Variants in ZFR observed in about 807,000 individuals in gnomAD.
The protein encoded by ZFR is zinc finger RNA binding protein, also known as zinc finger RNA-binding protein.
In ZFR, 19 loss-of-function variants were observed where a neutral mutation model predicts 130.7. That is an observed-to-expected ratio of 0.15 (90% CI 0.10 to 0.21). ZFR has a LOEUF of 0.21. ZFR is among the 10% of genes least tolerant of loss of function. ZFR has a pLI of 1.00. For missense variants in ZFR, 872 were observed against 1,321.5 expected, an observed-to-expected ratio of 0.66 and a Z score of 5.27; for synonymous variants, 466 against 456.9, an observed-to-expected ratio of 1.02 and a Z score of -0.25.
At chr5:32,413,764 C>T (rs1325170632) in intron 5 of ZFR, among the ~76,000 whole-genome samples, 1 of 152,162 alleles carries the variant, frequency 6.6e-6, no homozygotes. Flanking sequence ...CAGTAAAGTC[C>T]TATCTATCTT....
At chr5:32,401,512 T>C (rs1753448113) in intron 8 of ZFR, among the ~76,000 whole-genome samples, 1 of 151,968 alleles carries the variant, frequency 6.6e-6, no homozygotes, top group South Asian at 2.1e-4. Flanking sequence ...AGCATGTACA[T>C]AAAAGCACAG....
intron 17 of ZFR, among the ~76,000 whole-genome samples, chr5:32,378,599 C>A (rs1306131151): frequency 6.6e-6 from 1 of 151,976 alleles, no homozygotes; most frequent in East Asian, 1.9e-4. Flanking sequence ...TAATTTTTTT[C>A]TCCTAGAAGA....
intron 5 of ZFR, among the ~76,000 whole-genome samples, chr5:32,409,950 G>A (rs998755527): frequency 6.6e-6 from 1 of 152,038 alleles, no homozygotes; most frequent in Admixed American, 6.6e-5. Context: ...TCCAGCCTGG[G>A]TGACAGAATG....
At chr5:32,377,542 A>C (rs1358280031) in intron 17 of ZFR, among the ~76,000 whole-genome samples, 4 of 152,090 alleles carry the variant, frequency 2.6e-5, no homozygotes, top group Non-Finnish European at 5.9e-5. Flanking sequence ...GAAAAACTGG[A>C]GAACACAATT....
intron 19 of ZFR, among the ~76,000 whole-genome samples, chr5:32,357,409 G>A (rs1032029819): frequency 3.3e-5 from 5 of 152,052 alleles, no homozygotes; most frequent in Admixed American, 3.3e-4. Flanking sequence ...GGGATCACAG[G>A]TGCATACCAC....
chr5:32,390,228 G>T, intron 12 of ZFR, 47 bp downstream of exon 12: 1 of 1,583,634 alleles, frequency 6.3e-7, no homozygotes, highest in Non-Finnish European at 8.6e-7. Context: ...TTCTAATGCT[G>T]AACCAGTCAA....
chr5:32,383,801 G>A (rs1752982479), intron 15 of ZFR: 2 of 456,558 alleles, frequency 4.4e-6, no homozygotes, highest in Non-Finnish European at 8.8e-6. Flanking sequence ...TCATAATGAA[G>A]CTAAAGACAT....
intron 10 of ZFR, 149 bp from the exon 11 acceptor site, chr5:32,395,453 AATC>A: frequency 3.6e-6 from 2 of 558,026 alleles, no homozygotes; most frequent in Non-Finnish European, 5.5e-6. Flanking sequence ...AATTAAGGTA[AATC>A]AGAGAAAAGA....
chr5:32,426,328 G>C (rs73075516), intron 2 of ZFR, among the ~76,000 whole-genome samples: 1 of 150,108 alleles, frequency 6.7e-6, no homozygotes, highest in Non-Finnish European at 1.5e-5. Flanking sequence ...TAAAATGGAA[G>C]ACAAAACCCA....
chr5:32,419,914 G>A lies in ZFR; in HGVS notation c.327C>T (p.Tyr109=). ...AAATAAAYGG[Y]PTAHTATDYG... is the part of the protein sequence containing the mutation. ...AGTCAGTTGCTGTGTGTGCAGTGGG[G>A]TAGCCTCCATAAGCAGCAGCTGTTG... The change falls in exon 3 of 20, where the codon TAC becomes TAT. Residue 109 remains tyrosine (Y), a synonymous_variant. Transcript: ENST00000265069. 1 of 1,613,962 alleles carries A rather than the reference G, an allele frequency of 6.2e-7. No homozygotes were observed. Among genetic ancestry groups the A allele is most frequent in the African/African-American group, 1.3e-5 (1 of 75,004 alleles).
intron 2 of ZFR, among the ~76,000 whole-genome samples, chr5:32,432,045 G>A (rs1561924553): frequency 6.6e-6 from 1 of 150,890 alleles, no homozygotes; most frequent in Non-Finnish European, 1.5e-5. Context: ...AGGCTGGAGT[G>A]CAGTGGTATA....
At position 32,354,430 on chromosome 5, in the gene ZFR, C is replaced by T. The variant is rs1489997464; in HGVS notation, c.*1330G>A. ...ATGTTGTCAATTCTAACATATAATACATTTAAGTCATTATATGAATTTCAT... is the reference window on the plus strand; with the variant it reads ...ATGTTGTCAATTCTAACATATAATATATTTAAGTCATTATATGAATTTCAT... On this transcript the variant is annotated 3_prime_UTR_variant, in exon 20 of 20. Transcript: ENST00000265069. The T allele has an allele frequency of 6.6e-6, 1 of 152,548 alleles. No individual in the cohort carries two copies. Among genetic ancestry groups the T allele is most frequent in the East Asian group, 1.9e-4 (1 of 5,200 alleles). The allele number at this position is 152,548 out of a possible 1,614,324, so 9.4% of individuals were successfully genotyped here. A position where few individuals can be genotyped will look rare whatever the true frequency, so the allele number is the denominator to read the frequency against.
intron 17 of ZFR, 94 bp from the exon 18 acceptor site, chr5:32,364,369 C>T: frequency 1.2e-6 from 1 of 862,354 alleles, no homozygotes. Context: ...ATTTTAAAGA[C>T]TGAAAAAGCT....
chr5:32,355,674 T>C lies in ZFR; in HGVS notation c.*86A>G, dbSNP rs1245541312. ...TGAAATCCTTTAAATTCTTGATAAA[T>C]TTTTCAATGTAGACATTATTATGAA... On this transcript the variant is annotated 3_prime_UTR_variant, in exon 20 of 20. Coordinates refer to ENST00000265069, the MANE Select transcript of ZFR (RefSeq NM_016107.5). 8.0e-7 allele frequency: 1 copy of C among 1,250,508 alleles called. No individual in the cohort carries two copies. Among genetic ancestry groups the C allele is most frequent in the Non-Finnish European group, 1.1e-6 (1 of 921,906 alleles). 77.5% of individuals were successfully genotyped at this position (1,250,508 alleles called of 1,614,324 possible).
chr5:32,379,400 G>T, intron 16 of ZFR, 190 bp from the exon 17 acceptor site: 1 of 614,758 alleles, frequency 1.6e-6, no homozygotes, highest in Non-Finnish European at 2.9e-6. Context: ...TTTAAAAGCT[G>T]GTATTTAGGT....
chr5:32,427,865 G>A (rs942596246), intron 2 of ZFR, among the ~76,000 whole-genome samples: 3 of 152,150 alleles, frequency 2.0e-5, no homozygotes, highest in Admixed American at 6.5e-5. Context: ...AGACCATTCA[G>A]TGCGTTGTCT....
At chr5:32,357,882 C>A (rs1412384230) in intron 19 of ZFR, among the ~76,000 whole-genome samples, 1 of 152,194 alleles carries the variant, frequency 6.6e-6, no homozygotes, top group Non-Finnish European at 1.5e-5. Flanking sequence ...AGCATCAGGT[C>A]TGTCATACAT....
At chr5:32,444,489 C>T in intron 1 of ZFR, 133 bp downstream of exon 1, 2 of 1,294,458 alleles carry the variant, frequency 1.5e-6, no homozygotes. Flanking sequence ...GCCTCGCACT[C>T]CCTCACTCAC....
Position 32,444,243 on chromosome 5 carries a change from A to C in ZFR, c.123T>G (p.Ala41=), listed in dbSNP as rs560358007. 2 of 1,582,944 alleles carry C rather than the reference A, an allele frequency of 1.3e-6. No individual in the cohort carries two copies. Among genetic ancestry groups the C allele is most frequent in the Non-Finnish European group, 8.6e-7 (1 of 1,166,272 alleles). The stretch of plus-strand genomic sequence containing the variant: ...GATGCCGTTACCTATATTGGGCCGC[A>C]GCCGCCGCCGCCGCCGCCCCGCTGT... The part of the protein sequence containing the change: ...FTHSGAAAAA[A]AAQYSQQPAS... Residue 41 remains alanine (A), a synonymous_variant, in exon 2 of 20, where the codon GCT becomes GCG. Coordinates refer to ENST00000265069, the MANE Select transcript of ZFR (RefSeq NM_016107.5).
Sources: gnomAD v4.1 joint callset for allele counts (sites outside exome capture counted in the v4.1 genomes callset) on GRCh38, gnomAD v4.1.1 for gene constraint, MANE v1.5 for transcripts, NCBI Gene and HGNC (gene_info 2026-07-23, HGNC 2026-07-21) for gene names.